The following CHAF1A variants were observed in gnomAD, a reference collection of about 807,000 sequenced individuals.
CHAF1A encodes chromatin assembly factor 1 subunit A, also known as CAF-1 subunit A.
A neutral mutation model predicts 93.2 loss-of-function variants in CHAF1A; 5 were observed. The observed-to-expected ratio is 0.05, with a 90% CI of 0.03 to 0.11. CHAF1A has a LOEUF of 0.11. Among genes scored for constraint, CHAF1A ranks in the 10% least tolerant of loss-of-function variants. The probability of loss-of-function intolerance (pLI) is 1.00; values close to 1 mark genes in which losing one functional copy is unlikely to be tolerated. For synonymous variants in CHAF1A, 504 were observed against 510.3 expected (o/e 0.99, Z 0.17); for missense variants, 1,102 against 1,259.9 (o/e 0.87, Z 1.90).
intron 12 of CHAF1A, among the ~76,000 whole-genome samples, 194 bp from the exon 13 acceptor site, chr19:4,432,876 G>A (rs1006610177): frequency 2.6e-5 from 4 of 152,074 alleles, no homozygotes; most frequent in African/African-American, 4.8e-5. Flanking sequence ...ACACGTGCCC[G>A]GCCAAGGCTC....
intron 10 of CHAF1A, chr19:4,430,136 G>A (rs540444625): frequency 4.6e-5 from 16 of 351,400 alleles, no homozygotes; most frequent in Admixed American, 3.2e-4. Flanking sequence ...GATGCTCACC[G>A]TGTCTGTCGG....
intron 7 of CHAF1A, among the ~76,000 whole-genome samples, chr19:4,428,421 C>A (rs2145121473): frequency 6.6e-6 from 1 of 152,148 alleles, no homozygotes; most frequent in African/African-American, 2.4e-5. Context: ...AACCCTATTT[C>A]CATCACTCAA....
intron 7 of CHAF1A, among the ~76,000 whole-genome samples, chr19:4,426,566 C>T (rs1974085321): frequency 6.6e-6 from 1 of 152,050 alleles, no homozygotes; most frequent in African/African-American, 2.4e-5. Context: ...CCTCTGCCTC[C>T]TGCGTTCAAA....
At chr19:4,407,313 T>C (rs1411354465) in intron 2 of CHAF1A, among the ~76,000 whole-genome samples, 1 of 150,908 alleles carries the variant, frequency 6.6e-6, no homozygotes, top group African/African-American at 2.4e-5. Flanking sequence ...TGCAATGGCA[T>C]TGAAGTAAGT....
In CHAF1A at chr19:4,433,570, G is replaced by A. The variant is rs1390673321; in HGVS notation, c.2673+31G>A. 6.8e-7 allele frequency: 1 copy of A among 1,478,278 alleles called. No individual in the cohort carries two copies. Among genetic ancestry groups the A allele is most frequent in the East Asian group, 2.3e-5 (1 of 43,540 alleles). The allele number at this position is 1,478,278 out of a possible 1,614,324, so 91.6% of individuals were successfully genotyped here. On this transcript the variant is annotated intron_variant, in intron 13 of 14. Transcript: ENST00000301280. The surrounding 1 kb of genome is among the most constrained non-coding windows in gnomAD (Gnocchi z 5.6). ...GTGGGGTGGGCAGGTGGGGGCCTCTGCAGGGCTTTTCTTTTTTTGTTTGTT... is the reference window on the plus strand; with the variant it reads ...GTGGGGTGGGCAGGTGGGGGCCTCTACAGGGCTTTTCTTTTTTTGTTTGTT...
At chr19:4,418,691 AG>A (rs1973938053) in intron 4 of CHAF1A, among the ~76,000 whole-genome samples, 1 of 152,098 alleles carries the variant, frequency 6.6e-6, no homozygotes, top group South Asian at 2.1e-4. Context: ...CTGGGATTAC[AG>A]GTGTGAGCCG....
intron 3 of CHAF1A, among the ~76,000 whole-genome samples, chr19:4,410,572 G>C (rs936083222): frequency 6.6e-6 from 1 of 151,210 alleles, no homozygotes; most frequent in South Asian, 2.1e-4. Context: ...GTAGAGACAG[G>C]GTTTCACTAT....
At chr19:4,445,979 T>G (rs576921068), downstream of CHAF1A, 413 of 1,526,820 alleles carry the variant, frequency 2.7e-4, 3 homozygotes, top group African/African-American at 4.6e-3. Flanking sequence ...CTCCTGGGGG[T>G]GTCTGTGCCG....
At chr19:4,423,739 C>A in intron 6 of CHAF1A, 67 bp from the exon 7 acceptor site, 1 of 1,477,944 alleles carries the variant, frequency 6.8e-7, no homozygotes. Context: ...GGGGCCTTTG[C>A]ATGTTTTGCA....
chr19:4,423,861 C>T lies in CHAF1A; in HGVS notation c.1364C>T (p.Pro455Leu). 1 of 1,614,038 alleles carries T rather than the reference C, an allele frequency of 6.2e-7. No individual in the cohort carries two copies. ...ITRFFQKPKT[P>L]QAPKTLAGSC... ...AGGTTCTTCCAGAAACCAAAGACTC[C>T]ACAGGCCCCCAAGGTGAGCAGCCGG... Residue 455 changes from proline (P) to leucine (L), a missense_variant, in exon 7 of 15, where the codon CCA becomes CTA. Transcript: ENST00000301280.
chr19:4,429,386 T>C, intron 8 of CHAF1A, 52 bp from the exon 9 acceptor site: 1 of 1,581,176 alleles, frequency 6.3e-7, no homozygotes, highest in South Asian at 1.1e-5. Context: ...GGGAGGTTTG[T>C]GAGCAGGTCT....
intron 13 of CHAF1A, among the ~76,000 whole-genome samples, chr19:4,436,742 T>G (rs1006458772): frequency 5.3e-5 from 8 of 151,766 alleles, no homozygotes; most frequent in African/African-American, 1.9e-4. Context: ...TCCCCACCCC[T>G]CTCCACTGAT....
rs180944384 is a variant in CHAF1A, at chr19:4,410,497, C to T, written c.960+738C>T. On this transcript the variant is annotated intron_variant, in intron 3 of 14. Coordinates refer to ENST00000301280, the MANE Select transcript of CHAF1A (RefSeq NM_005483.3). ...CCAGGTTCAAGCGATTCTCCTGCCT[C>T]AGCATCCCTGATAGCTGGGATTACA... 8.3e-4 allele frequency among the ~76,000 whole-genome samples: 126 copies of T among 151,946 alleles called. 2 individuals are homozygous for T. Among genetic ancestry groups the T allele is most frequent in the Middle Eastern group, 6.8e-3 (2 of 294 alleles).
rs183394165 is a variant in CHAF1A, at chr19:4,415,134, C to A, written c.961-2886C>A. 5.9e-5 allele frequency among the ~76,000 whole-genome samples: 9 copies of A among 152,056 alleles called. No homozygotes were observed. The East Asian group carries it at 1.7e-3, about 29-fold the overall frequency. ...TTGGCAGTTGAGGGTGCTGTCTGAC[C>A]GGGCTCCAGCTGGGTAGAATGTGGG... On this transcript the variant is annotated intron_variant, in intron 3 of 14. Transcript: ENST00000301280.
chr19:4,411,054 C>G (rs552140510), intron 3 of CHAF1A, among the ~76,000 whole-genome samples: 41 of 151,866 alleles, frequency 2.7e-4, no homozygotes, highest in East Asian at 5.8e-4. Context: ...AGAGACAGTG[C>G]CTTTTTATGT....
At chr19:4,448,676 T>A, downstream of CHAF1A, 1 of 519,434 alleles carries the variant, frequency 1.9e-6, no homozygotes, top group Non-Finnish European at 3.5e-6. Flanking sequence ...CCATGGGACT[T>A]GGAAGCCAGT....
chr19:4,438,589 C>A (rs1599664327), intron 13 of CHAF1A, among the ~76,000 whole-genome samples: 2 of 152,168 alleles, frequency 1.3e-5, no homozygotes, highest in African/African-American at 4.8e-5. Context: ...CCTAGGACAC[C>A]TCAACTCTTC....
intron 2 of CHAF1A, among the ~76,000 whole-genome samples, chr19:4,407,749 A>C (rs1599636446): frequency 6.6e-6 from 1 of 151,998 alleles, no homozygotes; most frequent in Non-Finnish European, 1.5e-5. Context: ...GGAGTTTGAG[A>C]CCAGCCTGGC....
rs1448448795 is a variant in CHAF1A, at chr19:4,418,483, T to G, written c.1017+407T>G. On this transcript the variant is annotated intron_variant, in intron 4 of 14. Transcript: ENST00000301280. ...CAGGCTGGGGTGCAGTGGTGCGATCTCGGCTCACTGCAAGCTCCACCTCCC... is the reference window on the plus strand; with the variant it reads ...CAGGCTGGGGTGCAGTGGTGCGATCGCGGCTCACTGCAAGCTCCACCTCCC... Among the ~76,000 whole-genome samples the G allele has an allele frequency of 3.4e-5, 5 of 145,420 alleles. No individual in the cohort carries two copies. The Admixed American group carries it at 3.7e-4, about 11-fold the overall frequency.
Sources: allele counts gnomAD v4.1 joint callset (sites outside exome capture counted in the v4.1 genomes callset), GRCh38; gene constraint gnomAD v4.1.1; non-coding constraint Gnocchi (gnomAD v3.1); transcripts MANE v1.5; gene names NCBI Gene and HGNC (gene_info 2026-07-23, HGNC 2026-07-21).